NME8: variants seen among roughly 807,000 people sequenced by gnomAD.
The protein encoded by NME8 is NME/NM23 family member 8, also known as protein NME8.
Under a neutral mutation model 82.3 loss-of-function variants are expected in NME8, and 72 were observed. The ratio of observed to expected loss-of-function variants is 0.87; its 90% confidence interval spans 0.72 to 1.06. The LOEUF (loss-of-function observed/expected upper bound fraction) is 1.06, where lower values mean the gene tolerates loss of function less well. NME8 is among the 50% of genes least tolerant of loss of function. The pLI, the probability that NME8 is intolerant of heterozygous loss-of-function variation, is 0.00. For missense variants in NME8, 712 were observed against 685.4 expected, an observed-to-expected ratio of 1.04 and a Z score of -0.43; for synonymous variants, 267 against 228.5, an observed-to-expected ratio of 1.17 and a Z score of -1.52.
chr7:37,867,955 G>A (rs183829557), intron 11 of NME8, 57 bp downstream of exon 11: 52 of 1,472,134 alleles, frequency 3.5e-5, no homozygotes, highest in Middle Eastern at 1.7e-4. Flanking sequence ...GTAATGAAGC[G>A]TAGTGTAGGC....
Position 37,867,910 on chromosome 7 carries a change from G to T in NME8, c.818+12G>T. 1.2e-6 allele frequency: 2 copies of T among 1,611,934 alleles called. No homozygotes were observed. Among genetic ancestry groups the T allele is most frequent in the South Asian group, 2.2e-5 (2 of 90,912 alleles). On this transcript the variant is annotated intron_variant, in intron 11 of 17. Transcript: ENST00000199447. The stretch of plus-strand genomic sequence containing the variant: ...AACAAACAAGACAGGTATAGCTCAA[G>T]ACCAGGAATTGTGTTACTTGCAATG...
chr7:37,884,532 C>A (rs1785012209), intron 13 of NME8, 85 bp downstream of exon 13: 1 of 1,160,280 alleles, frequency 8.6e-7, no homozygotes, highest in Non-Finnish European at 1.3e-6. Context: ...ATTTAAGCTG[C>A]CAAACTCCTC....
At chr7:37,858,832 G>T (rs1398955569) in intron 6 of NME8, among the ~76,000 whole-genome samples, 1 of 152,126 alleles carries the variant, frequency 6.6e-6, no homozygotes, top group African/African-American at 2.4e-5. Context: ...GGGGCCTAGT[G>T]GGAGGTGTTT....
At chr7:37,867,077 C>G (rs1784694585) in intron 10 of NME8, among the ~76,000 whole-genome samples, 1 of 152,158 alleles carries the variant, frequency 6.6e-6, no homozygotes, top group Non-Finnish European at 1.5e-5. Context: ...TTTACATAAA[C>G]AACTGAGCAG....
chr7:37,878,569 G>A (rs1277518731), intron 12 of NME8, among the ~76,000 whole-genome samples: 1 of 152,006 alleles, frequency 6.6e-6, no homozygotes, highest in African/African-American at 2.4e-5. Context: ...ATTTAGACAT[G>A]GGGTTCTCTT....
Position 37,867,604 on chromosome 7 carries a change from T to C in NME8, c.622-98T>C, listed in dbSNP as rs1452483343. On this transcript the variant is annotated intron_variant, in intron 10 of 17. Transcript: ENST00000199447. ...GTAACATTCCTTTGCCCAGGGACCATGGAGAGGGAAGATTTCATTTGACTT... is the reference window on the plus strand; with the variant it reads ...GTAACATTCCTTTGCCCAGGGACCACGGAGAGGGAAGATTTCATTTGACTT... 5 of 832,094 alleles carry C rather than the reference T, an allele frequency of 6.0e-6. No individual in the cohort carries two copies. In the African/African-American group the frequency reaches 6.7e-5, roughly 11 times the overall value. 51.5% of individuals were successfully genotyped at this position (832,094 alleles called of 1,614,324 possible).
intron 15 of NME8, 148 bp from the exon 16 acceptor site, chr7:37,894,318 G>A (rs1282398073): frequency 1.3e-6 from 1 of 798,648 alleles, no homozygotes; most frequent in Non-Finnish European, 2.1e-6. Flanking sequence ...TTGGTGCTTT[G>A]GAATTTTAAT....
chr7:37,882,232 A>AG (rs1397757263), intron 12 of NME8, among the ~76,000 whole-genome samples: 1 of 152,174 alleles, frequency 6.6e-6, no homozygotes, highest in Non-Finnish European at 1.5e-5. Flanking sequence ...TCATGCCTGT[A>AG]GTACCAGCAC....
At chr7:37,884,203 A>G (rs1408919053) in intron 12 of NME8, 100 bp from the exon 13 acceptor site, 1 of 854,202 alleles carries the variant, frequency 1.2e-6, no homozygotes, top group Non-Finnish European at 1.9e-6. Flanking sequence ...TCGTATGAGA[A>G]TAAAGTGCAT....
intron 6 of NME8, among the ~76,000 whole-genome samples, chr7:37,861,367 T>G (rs1430781762): frequency 6.6e-6 from 1 of 152,168 alleles, no homozygotes; most frequent in African/African-American, 2.4e-5. Context: ...TTTGCCCAAT[T>G]AGCTCTTACC....
intron 5 of NME8, among the ~76,000 whole-genome samples, chr7:37,852,327 G>C (rs1056920392): frequency 1.3e-5 from 2 of 151,242 alleles, no homozygotes; most frequent in Non-Finnish European, 2.9e-5. Flanking sequence ...TGTTACAACG[G>C]ATTAGCCTAC....
chr7:37,862,356 C>T (rs1175493196), intron 7 of NME8, among the ~76,000 whole-genome samples: 1 of 152,088 alleles, frequency 6.6e-6, no homozygotes, highest in African/African-American at 2.4e-5. Context: ...TGCAACTTTT[C>T]TGGGAAGCAT....
chr7:37,851,303 T>C (rs1226065602), intron 5 of NME8, among the ~76,000 whole-genome samples: 1 of 152,248 alleles, frequency 6.6e-6, no homozygotes, highest in African/African-American at 2.4e-5. Context: ...GCTCTTGCAA[T>C]GTAGCTGGTC....
chr7:37,885,544 G>A (rs889514025), intron 14 of NME8, among the ~76,000 whole-genome samples: 1 of 152,152 alleles, frequency 6.6e-6, no homozygotes, highest in African/African-American at 2.4e-5. Flanking sequence ...CACCCTACCC[G>A]CTATTTAGGA....
intron 15 of NME8, among the ~76,000 whole-genome samples, chr7:37,890,165 A>G (rs1470521567): frequency 1.3e-5 from 2 of 151,874 alleles, no homozygotes; most frequent in Non-Finnish European, 2.9e-5. Context: ...ATTTATTTTT[A>G]GCCTTTTTGA....
At chr7:37,850,493 C>A (rs1369568524) in intron 4 of NME8, 58 bp downstream of exon 4, 3 of 1,585,784 alleles carry the variant, frequency 1.9e-6, no homozygotes, top group Non-Finnish European at 2.6e-6. Flanking sequence ...CTCCTCCTGG[C>A]ACCCTGTCCC....
chr7:37,895,930 G>T (rs1785221230), intron 16 of NME8, among the ~76,000 whole-genome samples: 1 of 152,128 alleles, frequency 6.6e-6, no homozygotes, highest in Non-Finnish European at 1.5e-5. Flanking sequence ...CTAGGTTTCT[G>T]TAAGTATATT....
chr7:37,898,154 C>T (rs923956296), intron 17 of NME8, among the ~76,000 whole-genome samples: 1 of 151,898 alleles, frequency 6.6e-6, no homozygotes, highest in Non-Finnish European at 1.5e-5. Context: ...ACAGCCTCAC[C>T]AGCATCTATT....
At position 37,894,609 on chromosome 7, in the gene NME8, G is replaced by A. The variant is rs754044934; in HGVS notation, c.1543G>A (p.Val515Met). 1.5e-5 allele frequency: 23 copies of A among 1,586,112 alleles called. No homozygotes were observed. The highest frequency in any genetic ancestry group is 3.8e-4 in the Middle Eastern group (2 of 5,276). ...TAAAGATTTATTGGAAATGTTATCT[G>A]TGTAAGTTTCTGATACATAATTGTT... ...FYKDLLEMLS[V>M]GPSMVMILTK... Residue 515 changes from valine to methionine, a missense_variant and splice_region_variant, in exon 16 of 18, where the codon GTG (valine) becomes ATG (methionine). Physicochemically the swap from Val to Met is conservative, Grantham distance 21 (BLOSUM62 1). Coordinates refer to ENST00000199447, the MANE Select transcript of NME8 (RefSeq NM_016616.5).
Sources: allele counts gnomAD v4.1 joint callset (sites outside exome capture counted in the v4.1 genomes callset), GRCh38; gene constraint gnomAD v4.1.1; transcripts MANE v1.5; gene names NCBI Gene and HGNC (gene_info 2026-07-23, HGNC 2026-07-21).